The following NNT variants were observed in gnomAD, a reference collection of about 807,000 sequenced individuals.
NNT encodes the protein NAD(P) transhydrogenase, mitochondrial.
A neutral mutation model predicts 104.8 loss-of-function variants in NNT; 50 were observed. That is an observed-to-expected ratio of 0.48 (90% confidence interval 0.38 to 0.60). The LOEUF (loss-of-function observed/expected upper bound fraction) is 0.60. NNT is among the 20% of genes least tolerant of loss of function. NNT has a pLI of 0.00. For synonymous variants in NNT, 461 were observed against 490.4 expected (o/e 0.94, Z 0.79); for missense variants, 1,131 against 1,330.7 (o/e 0.85, Z 2.33).
chr5:43,697,124 T>G (rs1368046610), intron 19 of NNT, among the ~76,000 whole-genome samples: 3 of 152,250 alleles, frequency 2.0e-5, no homozygotes, highest in Non-Finnish European at 4.4e-5. Flanking sequence ...ACTTTTATGC[T>G]CTGTTTTCTT....
intron 16 of NNT, among the ~76,000 whole-genome samples, 167 bp downstream of exon 16, chr5:43,656,980 G>A (rs1740088995): frequency 6.6e-6 from 1 of 152,218 alleles, no homozygotes; most frequent in South Asian, 2.1e-4. Context: ...ACATAGAAGA[G>A]TGTAGGAAGA....
Position 43,650,439 on chromosome 5 carries a change from C to A in NNT, c.1607-38C>A, listed in dbSNP as rs370577696. 2.1e-6 allele frequency: 3 copies of A among 1,407,080 alleles called. No homozygotes were observed. The Admixed American group carries it at 5.0e-5, about 24-fold the overall frequency. 87.2% of individuals were successfully genotyped at this position (1,407,080 alleles called of 1,614,324 possible). ...GCTATGATATTTGATTTGGTGGTGT[C>A]ACTATCACTATTAACCATGTTAATG... On this transcript the variant is annotated intron_variant, in intron 11 of 21. Coordinates refer to ENST00000344920, the MANE Select transcript of NNT (RefSeq NM_182977.3).
chr5:43,670,117 T>G (rs1740970261), intron 17 of NNT, among the ~76,000 whole-genome samples: 1 of 152,244 alleles, frequency 6.6e-6, no homozygotes, highest in African/African-American at 2.4e-5. Context: ...TCTGTGGGAT[T>G]GGTGGTGATA....
chr5:43,687,258 CT>C (rs1323479694), intron 19 of NNT, among the ~76,000 whole-genome samples: 6 of 152,150 alleles, frequency 3.9e-5, no homozygotes, highest in African/African-American at 1.4e-4. Flanking sequence ...TTATTTTCCT[CT>C]GTAGAATCTT....
chr5:43,620,410 C>G (rs908859669), intron 5 of NNT, among the ~76,000 whole-genome samples: 1 of 151,730 alleles, frequency 6.6e-6, no homozygotes, highest in Non-Finnish European at 1.5e-5. Context: ...TTAGTAGAGA[C>G]GGGGTTTCAC....
At chr5:43,622,361 C>G (rs559472294) in intron 5 of NNT, among the ~76,000 whole-genome samples, 6 of 152,330 alleles carry the variant, frequency 3.9e-5, no homozygotes, top group African/African-American at 1.4e-4. Context: ...TGAGTGAACA[C>G]GAGCATTGTT....
chr5:43,683,293 A>C (rs1025503067), intron 19 of NNT, among the ~76,000 whole-genome samples: 5 of 152,190 alleles, frequency 3.3e-5, no homozygotes, highest in Non-Finnish European at 7.4e-5. Flanking sequence ...TCCCAGATCA[A>C]AGGTGTCTGT....
intron 6 of NNT, among the ~76,000 whole-genome samples, chr5:43,624,494 C>T (rs1036422581): frequency 1.3e-5 from 2 of 152,192 alleles, no homozygotes; most frequent in Middle Eastern, 3.4e-3. Flanking sequence ...CATGCCCTAC[C>T]GTGAATGAAT....
intron 17 of NNT, among the ~76,000 whole-genome samples, chr5:43,673,528 A>G (rs1269010175): frequency 6.6e-6 from 1 of 152,216 alleles, no homozygotes; most frequent in Admixed American, 6.5e-5. Context: ...AAAATTTGGT[A>G]GAACATATAT....
rs1360881558 is a variant in NNT at position 43,677,730 on chromosome 5, G to T, written c.2800G>T (p.Gly934Cys). The T allele has an allele frequency of 2.5e-6, 4 of 1,613,030 alleles. No homozygotes were observed. Among genetic ancestry groups the T allele is most frequent in the African/African-American group, 2.7e-5 (2 of 74,878 alleles). The part of the protein sequence containing the change: ...ANSIIITPGY[G>C]LCAAKAQYPI... ...GTTCTTAATGTTCCTTGCAGGCTAT[G>T]GTCTCTGTGCAGCCAAAGCTCAATA... The change falls in exon 19 of 22, where the codon GGT (glycine) becomes TGT (cysteine). Residue 934 changes from glycine (G) to cysteine (C), a missense_variant. Gly to Cys is a radical substitution (Grantham distance 159). Transcript: ENST00000344920.
intron 17 of NNT, 45 bp from the exon 18 acceptor site, chr5:43,675,466 A>C: frequency 6.5e-7 from 1 of 1,547,576 alleles, no homozygotes; most frequent in Non-Finnish European, 8.8e-7. Flanking sequence ...ATTCTCACAA[A>C]GTTATGTGTG....
chr5:43,633,607 C>T (rs553965627), intron 7 of NNT, among the ~76,000 whole-genome samples: 1 of 152,302 alleles, frequency 6.6e-6, no homozygotes, highest in South Asian at 2.1e-4. Context: ...CATCATTCCT[C>T]AGTTATCTTG....
At chr5:43,653,837 C>T (rs1739898699) in intron 14 of NNT, among the ~76,000 whole-genome samples, 1 of 151,948 alleles carries the variant, frequency 6.6e-6, no homozygotes, top group Non-Finnish European at 1.5e-5. Context: ...CAACTGTAAT[C>T]CCAGCTTCTT....
intron 19 of NNT, among the ~76,000 whole-genome samples, chr5:43,688,500 G>T (rs1168758661): frequency 6.6e-6 from 1 of 151,990 alleles, no homozygotes; most frequent in Non-Finnish European, 1.5e-5. Flanking sequence ...TGAGATTTTG[G>T]TGCACCCATC....
chr5:43,672,677 G>T (rs1264011193), intron 17 of NNT, among the ~76,000 whole-genome samples: 1 of 152,196 alleles, frequency 6.6e-6, no homozygotes, highest in Non-Finnish European at 1.5e-5. Context: ...AGCCATGTGA[G>T]GTGTCAGTCT....
chr5:43,644,843 A>G (rs770126694), intron 9 of NNT, 41 bp downstream of exon 9: 1 of 1,488,422 alleles, frequency 6.7e-7, no homozygotes, highest in Non-Finnish European at 9.1e-7. Context: ...TTTTAATGTA[A>G]ATTTGTTTTA....
intron 17 of NNT, among the ~76,000 whole-genome samples, chr5:43,674,173 A>T (rs1028315020): frequency 2.0e-5 from 3 of 152,234 alleles, no homozygotes; most frequent in Admixed American, 2.0e-4. Context: ...TGTGTCTGAT[A>T]AACGAGTTTA....
intron 1 of NNT, among the ~76,000 whole-genome samples, chr5:43,604,842 A>T (rs1369502262): frequency 2.7e-5 from 4 of 147,152 alleles, no homozygotes; most frequent in Admixed American, 1.4e-4. Flanking sequence ...CTGCTAATTA[A>T]TTTTTTTTTT....
At chr5:43,661,877 G>T (rs1194116883) in intron 17 of NNT, among the ~76,000 whole-genome samples, 1 of 152,128 alleles carries the variant, frequency 6.6e-6, no homozygotes, top group African/African-American at 2.4e-5. Context: ...ACATATGTGT[G>T]CATGTGTCTT....
Sources: gnomAD v4.1 joint callset for allele counts (sites outside exome capture counted in the v4.1 genomes callset) on GRCh38, gnomAD v4.1.1 for gene constraint, MANE v1.5 for transcripts, NCBI Gene and HGNC (gene_info 2026-07-23, HGNC 2026-07-21) for gene names.